The following PAPSS1 variants were observed in gnomAD, a reference collection of about 807,000 sequenced individuals.
The protein encoded by PAPSS1 is 3'-phosphoadenosine 5'-phosphosulfate synthase 1.
In PAPSS1, 50 loss-of-function variants were observed where a neutral mutation model predicts 72.0. The ratio of observed to expected loss-of-function variants is 0.69; its 90% CI spans 0.55 to 0.88. PAPSS1 has a LOEUF of 0.88. Ranked by LOEUF, PAPSS1 falls within the 40% of genes least tolerant of loss-of-function variation. PAPSS1 has a pLI of 0.00. For missense variants in PAPSS1, 657 were observed against 782.2 expected (o/e 0.84, Z 1.91); for synonymous variants, 261 against 263.6 (o/e 0.99, Z 0.09).
intron 10 of PAPSS1, among the ~76,000 whole-genome samples, chr4:107,635,181 T>C (rs1726337835): frequency 6.6e-6 from 1 of 152,186 alleles, no homozygotes; most frequent in African/African-American, 2.4e-5. Context: ...GACTAAAACA[T>C]GAATACACTT....
chr4:107,622,820 A>C (rs1280584024), intron 11 of PAPSS1, among the ~76,000 whole-genome samples: 1 of 152,234 alleles, frequency 6.6e-6, no homozygotes, highest in Non-Finnish European at 1.5e-5. Context: ...ATTCCATCAC[A>C]CTTTTATACC....
At chr4:107,646,884 A>C (rs890308636) in intron 9 of PAPSS1, among the ~76,000 whole-genome samples, 1 of 152,186 alleles carries the variant, frequency 6.6e-6, no homozygotes, top group Non-Finnish European at 1.5e-5. Context: ...TCAGAGGCTC[A>C]GTTTCCCTTC....
At chr4:107,694,953 A>T (rs1300109295) in intron 2 of PAPSS1, among the ~76,000 whole-genome samples, 3 of 8,608 alleles carry the variant, frequency 3.5e-4, no homozygotes, top group South Asian at 0.033. Context: ...AACTGGAATA[A>T]AAAAAAAAAT....
At chr4:107,694,463 G>A (rs1012005668) in intron 2 of PAPSS1, among the ~76,000 whole-genome samples, 13 of 152,156 alleles carry the variant, frequency 8.5e-5, no homozygotes, top group Non-Finnish European at 1.9e-4. Flanking sequence ...ATGAGCAAAC[G>A]TATCAGAAAT....
At chr4:107,718,013 T>C (rs1370099559) in intron 1 of PAPSS1, among the ~76,000 whole-genome samples, 1 of 152,218 alleles carries the variant, frequency 6.6e-6, no homozygotes, top group Non-Finnish European at 1.5e-5. Context: ...CATTTAAACC[T>C]TACTATAACC....
intron 3 of PAPSS1, among the ~76,000 whole-genome samples, chr4:107,688,237 G>A (rs953065377): frequency 4.6e-5 from 7 of 152,034 alleles, no homozygotes; most frequent in Admixed American, 6.6e-5. Flanking sequence ...ACAAGTACAA[G>A]TCCATTTAAA....
intron 2 of PAPSS1, among the ~76,000 whole-genome samples, chr4:107,696,565 G>T (rs896541217): frequency 1.3e-5 from 2 of 152,016 alleles, no homozygotes; most frequent in African/African-American, 4.8e-5. Flanking sequence ...CCTATCGGTG[G>T]GGAGGTGGAG....
At chr4:107,653,724 T>G (rs1726921748) in intron 8 of PAPSS1, 98 bp from the exon 9 acceptor site, 1 of 845,626 alleles carries the variant, frequency 1.2e-6, no homozygotes. Context: ...TAAGCTACTC[T>G]CATCTTAAAT....
At chr4:107,667,286 T>C (rs2110327499) in intron 5 of PAPSS1, among the ~76,000 whole-genome samples, 1 of 152,304 alleles carries the variant, frequency 6.6e-6, no homozygotes, top group Middle Eastern at 3.4e-3. Flanking sequence ...ACCCCTTCCC[T>C]GCACATCTCT....
chr4:107,662,759 A>C (rs1727217466), intron 5 of PAPSS1, among the ~76,000 whole-genome samples: 1 of 152,176 alleles, frequency 6.6e-6, no homozygotes, highest in South Asian at 2.1e-4. Context: ...TGTATCCCAG[A>C]TATGGTTATC....
chr4:107,665,852 C>T (rs558680036), intron 5 of PAPSS1, among the ~76,000 whole-genome samples: 1 of 152,248 alleles, frequency 6.6e-6, no homozygotes, highest in East Asian at 1.9e-4. Flanking sequence ...GCAGGCAGGG[C>T]AAACAACATG....
At chr4:107,614,969 AT>A (rs10681522) in intron 11 of PAPSS1, among the ~76,000 whole-genome samples, 49,121 of 150,150 alleles carry the variant, frequency 0.33, 8,675 homozygotes, top group South Asian at 0.52. Flanking sequence ...CTAAAACTAG[AT>A]TTTTTTTTTT....
At chr4:107,700,514 A>C (rs1404553726) in intron 2 of PAPSS1, among the ~76,000 whole-genome samples, 1 of 152,212 alleles carries the variant, frequency 6.6e-6, no homozygotes, top group African/African-American at 2.4e-5. Flanking sequence ...TGGTTGTACC[A>C]TGCTATGGTT....
intron 9 of PAPSS1, among the ~76,000 whole-genome samples, chr4:107,652,770 G>A (rs560431422): frequency 1.3e-5 from 2 of 152,266 alleles, no homozygotes; most frequent in South Asian, 2.1e-4. Flanking sequence ...ATTCTTCCTT[G>A]TTAAGTTTCT....
intron 4 of PAPSS1, among the ~76,000 whole-genome samples, chr4:107,684,148 G>T (rs191347305): frequency 8.0e-4 from 122 of 152,242 alleles, no homozygotes; most frequent in South Asian, 3.3e-3. Context: ...TGTGGACAAG[G>T]TCTTATTCAT....
chr4:107,656,460 T>C (rs935396970), intron 7 of PAPSS1, among the ~76,000 whole-genome samples: 3 of 152,138 alleles, frequency 2.0e-5, no homozygotes, highest in Admixed American at 6.5e-5. Flanking sequence ...TTTAAAAGAA[T>C]AGGAAGGACC....
At chr4:107,657,442 A>G (rs1039944560) in intron 6 of PAPSS1, among the ~76,000 whole-genome samples, 1 of 152,154 alleles carries the variant, frequency 6.6e-6, no homozygotes, top group Non-Finnish European at 1.5e-5. Context: ...TTACGGCCAG[A>G]GGAGGTGGCT....
At chr4:107,698,047 G>A (rs1723114237) in intron 2 of PAPSS1, among the ~76,000 whole-genome samples, 1 of 152,152 alleles carries the variant, frequency 6.6e-6, no homozygotes, top group African/African-American at 2.4e-5. Flanking sequence ...CAAACTTCTA[G>A]CCTCGAGAAC....
chr4:107,655,239 A>G (rs1726972069), intron 7 of PAPSS1, among the ~76,000 whole-genome samples: 2 of 152,314 alleles, frequency 1.3e-5, no homozygotes, highest in South Asian at 4.1e-4. Context: ...ACATCACCAA[A>G]TACATACTGT....
Sources: allele counts gnomAD v4.1 joint callset (sites outside exome capture counted in the v4.1 genomes callset), GRCh38; gene constraint gnomAD v4.1.1; transcripts MANE v1.5; gene names NCBI Gene and HGNC (gene_info 2026-07-23, HGNC 2026-07-21).